SAAL1: variants seen among roughly 807,000 people sequenced by gnomAD.
SAAL1 encodes serum amyloid A like 1.
A neutral mutation model predicts 59.8 loss-of-function variants in SAAL1; 42 were observed. That is an observed-to-expected ratio of 0.70 (90% CI 0.55 to 0.91). SAAL1 has a LOEUF of 0.91. Ranked by LOEUF, SAAL1 falls within the 40% of genes least tolerant of loss-of-function variation. The pLI is 0.00. For missense variants in SAAL1, 542 were observed against 561.1 expected (o/e 0.97, Z 0.34); for synonymous variants, 191 against 194.3 (o/e 0.98, Z 0.14).
chr11:18,093,888 A>G (rs1298127440), intron 3 of SAAL1: 2 of 152,194 alleles, frequency 1.3e-5, no homozygotes, highest in Non-Finnish European at 2.9e-5. Context: ...GATAAAGGAG[A>G]AAGCAGTTGA....
Position 18,086,920 on chromosome 11 carries a change from A to ATAGC in SAAL1, c.987_988insGCTA (p.Leu330AlafsTer11), listed in dbSNP as rs1848470213. ...GTCTGTGAGGCATAGATGGCAGACA[A>ATAGC]CACTGAAAAAACAGAGGCTAGCACT... On this transcript the variant is annotated frameshift_variant, in exon 9 of 12. Transcript: ENST00000524803. LOFTEE classifies it high-confidence loss of function. The ATAGC allele has an allele frequency of 6.2e-7, 1 of 1,614,026 alleles. No individual in the cohort carries two copies. Among genetic ancestry groups the ATAGC allele is most frequent in the African/African-American group, 1.3e-5 (1 of 74,942 alleles).
chr11:18,105,904 C>A lies in SAAL1; in HGVS notation c.135+3G>T, dbSNP rs774374774. On this transcript the variant is annotated splice_donor_region_variant and intron_variant, in intron 1 of 11. Coordinates refer to ENST00000524803, the MANE Select transcript of SAAL1 (RefSeq NM_138421.3). ...ACCCCACGCGTGGCGCGAGTTTCCA[C>A]ACCTGGATGAGTCCGCTGAGGACGC... 2.5e-6 allele frequency: 4 copies of A among 1,596,790 alleles called. No individual in the cohort carries two copies. The Admixed American group carries it at 7.0e-5, about 28-fold the overall frequency.
In SAAL1 at chr11:18,081,702, C is replaced by T. The variant is rs150809681; in HGVS notation, c.1240-199G>A. ...GTCGTCTTTACTTTAGTGAAGGGCA[C>T]CACCATCCACCCTGCTACACAGACT... On this transcript the variant is annotated intron_variant, in intron 10 of 11. Coordinates refer to ENST00000524803, the MANE Select transcript of SAAL1 (RefSeq NM_138421.3). 5.4e-3 allele frequency: 3,075 copies of T among 565,324 alleles called. 22 individuals carry two copies. Among genetic ancestry groups the T allele is most frequent in the Middle Eastern group, 0.021 (44 of 2,106 alleles). 35.0% of individuals were successfully genotyped at this position (565,324 alleles called of 1,614,324 possible).
At chr11:18,097,685 G>A (rs1055758221) in intron 2 of SAAL1, among the ~76,000 whole-genome samples, 3 of 151,976 alleles carry the variant, frequency 2.0e-5, no homozygotes, top group Admixed American at 6.6e-5. Context: ...CAAAAAATAC[G>A]AAAATTAGCC....
Position 18,089,465 on chromosome 11 carries a change from T to A in SAAL1, c.635A>T (p.Asp212Val). 1 of 1,612,440 alleles carries A rather than the reference T, an allele frequency of 6.2e-7. No individual in the cohort carries two copies. The highest frequency in any genetic ancestry group is 1.7e-5 in the Admixed American group (1 of 59,624). Residue 212 changes from aspartate to valine, a missense_variant, in exon 7 of 12, where the codon GAT becomes GTT. Coordinates refer to ENST00000524803, the MANE Select transcript of SAAL1 (RefSeq NM_138421.3). ...TTCTAACATTAGTTTCTCATCCAAA[T>A]CAAAGAGCTTGTCCACAACCTCCCC... ...KVGEVVDKLF[D>V]LDEKLMLEWV...
intron 2 of SAAL1, among the ~76,000 whole-genome samples, chr11:18,101,533 T>C (rs879356264): frequency 2.0e-5 from 3 of 152,170 alleles, no homozygotes; most frequent in Admixed American, 6.5e-5. Flanking sequence ...TCTGCCATGA[T>C]TGTAAGTCTC....
intron 2 of SAAL1, among the ~76,000 whole-genome samples, chr11:18,099,601 GAGA>G (rs1848613143): frequency 6.6e-6 from 1 of 152,226 alleles, no homozygotes; most frequent in Admixed American, 6.5e-5. Flanking sequence ...ATGCTTTGAT[GAGA>G]AGGAATTTAA....
chr11:18,092,516 G>A (rs551154616), intron 3 of SAAL1, among the ~76,000 whole-genome samples, 192 bp from the exon 4 acceptor site: 3 of 152,136 alleles, frequency 2.0e-5, no homozygotes, highest in South Asian at 2.1e-4. Context: ...GATGAAAAAC[G>A]TAAGAACAAG....
chr11:18,084,668 A>G (rs149235101), intron 9 of SAAL1, among the ~76,000 whole-genome samples: 1 of 152,358 alleles, frequency 6.6e-6, no homozygotes, highest in Non-Finnish European at 1.5e-5. Context: ...TAACGTATCT[A>G]CAAATGAAGA....
At chr11:18,080,876 T>C (rs1333904624) in intron 11 of SAAL1, among the ~76,000 whole-genome samples, 3 of 152,230 alleles carry the variant, frequency 2.0e-5, no homozygotes, top group Non-Finnish European at 4.4e-5. Flanking sequence ...TTAATATAGA[T>C]GTTATCTACT....
At position 18,090,296 on chromosome 11, in the gene SAAL1, T is replaced by C. The variant is rs375899742; in HGVS notation, c.474-6A>G. 7.8e-5 allele frequency: 123 copies of C among 1,579,306 alleles called. No individual in the cohort carries two copies. The highest frequency in any genetic ancestry group is 1.0e-4 in the Non-Finnish European group (119 of 1,171,374). On this transcript the variant is annotated splice_region_variant and splice_polypyrimidine_tract_variant and intron_variant, in intron 5 of 11. Transcript: ENST00000524803. ...AAAGGCAAGTAAGCAACAACCTACA[T>C]GGTAAACGTGGGTTGAATTTCTACT...
intron 3 of SAAL1, among the ~76,000 whole-genome samples, chr11:18,093,489 T>G (rs1331914226): frequency 6.6e-6 from 1 of 152,114 alleles, no homozygotes; most frequent in Non-Finnish European, 1.5e-5. Flanking sequence ...GAGACTAGTG[T>G]ATAGGGAAAA....
At chr11:18,099,605 A>G (rs1237905129) in intron 2 of SAAL1, among the ~76,000 whole-genome samples, 1 of 152,224 alleles carries the variant, frequency 6.6e-6, no homozygotes, top group Non-Finnish European at 1.5e-5. Flanking sequence ...TTTGATGAGA[A>G]GGAATTTAAA....
intron 9 of SAAL1, among the ~76,000 whole-genome samples, chr11:18,084,906 C>T (rs912571849): frequency 5.3e-5 from 8 of 152,104 alleles, no homozygotes; most frequent in African/African-American, 1.9e-4. Flanking sequence ...ACTGAGATTA[C>T]AGGCATGCGT....
chr11:18,090,314 T>C (rs1183909968), intron 5 of SAAL1, 24 bp from the exon 6 acceptor site: 2 of 1,560,178 alleles, frequency 1.3e-6, no homozygotes, highest in East Asian at 2.3e-5. Flanking sequence ...GTGGGTTGAA[T>C]TTCTACTTTT....
At chr11:18,102,397 CAA>C (rs1229550097) in intron 2 of SAAL1, among the ~76,000 whole-genome samples, 12 of 97,810 alleles carry the variant, frequency 1.2e-4, no homozygotes, top group Admixed American at 3.3e-4. Context: ...GACTCCATCT[CAA>C]AAAAAAAAAA....
intron 3 of SAAL1, among the ~76,000 whole-genome samples, chr11:18,095,327 AG>A (rs1413619227): frequency 2.0e-5 from 3 of 152,244 alleles, no homozygotes; most frequent in African/African-American, 7.2e-5. Flanking sequence ...AGAAAAACTC[AG>A]TATAAAAATA....
chr11:18,089,795 T>C (rs1276731517), intron 6 of SAAL1, among the ~76,000 whole-genome samples: 1 of 152,202 alleles, frequency 6.6e-6, no homozygotes, highest in Non-Finnish European at 1.5e-5. Flanking sequence ...ACACCTATAC[T>C]CCCAACACTT....
At chr11:18,090,590 C>T (rs1420624605) in intron 4 of SAAL1, 97 bp from the exon 5 acceptor site, 2 of 1,322,760 alleles carry the variant, frequency 1.5e-6, no homozygotes, top group East Asian at 2.5e-5. Flanking sequence ...TTGTGAAATA[C>T]AGCATATATT....
Sources: gnomAD v4.1 joint callset for allele counts (sites outside exome capture counted in the v4.1 genomes callset) on GRCh38, gnomAD v4.1.1 for gene constraint, MANE v1.5 for transcripts, NCBI Gene and HGNC (gene_info 2026-07-23, HGNC 2026-07-21) for gene names.